STT3A: variants seen among roughly 807,000 people sequenced by gnomAD.
The protein encoded by STT3A is dolichyl-diphosphooligosaccharide--protein glycosyltransferase subunit STT3A.
In STT3A, 34 loss-of-function variants were observed where a neutral mutation model predicts 89.2. The ratio of observed to expected loss-of-function variants is 0.38; its 90% CI spans 0.29 to 0.51. STT3A has a LOEUF of 0.51. Among genes scored for constraint, STT3A ranks in the 20% least tolerant of loss-of-function variants. The probability of loss-of-function intolerance (pLI) is 0.89; values close to 1 mark genes in which losing one functional copy is unlikely to be tolerated. For missense variants in STT3A, 555 were observed against 889.5 expected, an observed-to-expected ratio of 0.62 and a Z score of 4.78; for synonymous variants, 282 against 310.3, an observed-to-expected ratio of 0.91 and a Z score of 0.96.
chr11:125,612,567 T>A (rs1940058697), intron 11 of STT3A, 25 bp from the exon 12 acceptor site: 1 of 1,608,216 alleles, frequency 6.2e-7, no homozygotes, highest in Non-Finnish European at 8.5e-7. Flanking sequence ...CTGATTAGAC[T>A]GATCATGCTT....
chr11:125,592,437 G>T, upstream of STT3A: 1 of 456,282 alleles, frequency 2.2e-6, no homozygotes, highest in Non-Finnish European at 4.4e-6. Context: ...GACGGGAGAC[G>T]AGCGGCTCCG....
chr11:125,599,243 CAGA>C (rs1284190949), intron 3 of STT3A, among the ~76,000 whole-genome samples: 2 of 152,316 alleles, frequency 1.3e-5, no homozygotes, highest in Admixed American at 1.3e-4. Context: ...CAGTGACAAA[CAGA>C]AGGATAGAGA....
At chr11:125,612,922 G>T (rs925066775) in intron 12 of STT3A, 67 bp from the exon 13 acceptor site, 1 of 1,571,746 alleles carries the variant, frequency 6.4e-7, no homozygotes, top group Admixed American at 1.7e-5. Flanking sequence ...ATGTGTCTAA[G>T]AAGTTGTCCT....
intron 4 of STT3A, 61 bp from the exon 5 acceptor site, chr11:125,602,742 C>T: frequency 6.2e-7 from 1 of 1,602,052 alleles, no homozygotes; most frequent in Non-Finnish European, 8.5e-7. Flanking sequence ...GGGATTTTCC[C>T]TTTCTTTTTC....
chr11:125,613,521 T>C lies in STT3A; in HGVS notation c.1554+344T>C, dbSNP rs1373854782. ...GAAAATTGAATCAAGAAGAAAGATA[T>C]AAATCTTGTGTAAAGTGATCACCTT... On this transcript the variant is annotated intron_variant, in intron 13 of 17. Transcript: ENST00000392708. This position sits in a 1 kb window ranked among gnomAD's most constrained non-coding sequence, Gnocchi z 4.2. Among the ~76,000 whole-genome samples the C allele has an allele frequency of 6.6e-6, 1 of 152,212 alleles. No individual in the cohort carries two copies. Among genetic ancestry groups the C allele is most frequent in the East Asian group, 1.9e-4 (1 of 5,204 alleles).
chr11:125,614,027 G>C lies in STT3A; in HGVS notation c.1555-60G>C. ...TCAGACCAAAGATGCCTTCTCTGTT[G>C]CATTTGATTTTTAGAGACAGTGAGA... On this transcript the variant is annotated intron_variant, in intron 13 of 17. Coordinates refer to ENST00000392708, the MANE Select transcript of STT3A (RefSeq NM_152713.5). This position sits in a 1 kb window ranked among gnomAD's most constrained non-coding sequence, Gnocchi z 4.9. 1 of 1,480,738 alleles carries C rather than the reference G, an allele frequency of 6.8e-7. No individual in the cohort carries two copies. Among genetic ancestry groups the C allele is most frequent in the Non-Finnish European group, 9.4e-7 (1 of 1,062,428 alleles). 91.7% of individuals were successfully genotyped at this position (1,480,738 alleles called of 1,614,324 possible).
chr11:125,619,374 T>C (rs956591752), intron 16 of STT3A, among the ~76,000 whole-genome samples: 1 of 152,076 alleles, frequency 6.6e-6, no homozygotes, highest in Non-Finnish European at 1.5e-5. Context: ...ATTTTATATA[T>C]GAGGAAATTG....
In STT3A at chr11:125,592,912, C is replaced by G. The variant is rs768250717; in HGVS notation, c.-42C>G. On this transcript the variant is annotated 5_prime_UTR_variant, in exon 1 of 18. Transcript: ENST00000392708. ...AGCCCCGCGGATCGTTTAGGAAAGC[C>G]GGCCAGGTGAGAAGGCCGTAGAACG... 5.7e-6 allele frequency: 1 copy of G among 174,302 alleles called. No individual in the cohort carries two copies. Among genetic ancestry groups the G allele is most frequent in the Non-Finnish European group, 1.3e-5 (1 of 79,624 alleles). The allele number at this position is 174,302 out of a possible 1,614,324, so 10.8% of individuals were successfully genotyped here.
intron 3 of STT3A, among the ~76,000 whole-genome samples, chr11:125,601,356 C>T (rs571175449): frequency 1.3e-5 from 2 of 152,324 alleles, no homozygotes; most frequent in East Asian, 1.9e-4. Context: ...CATGGTGGCT[C>T]ACACCTGTAA....
chr11:125,617,502 T>C (rs1940210980), intron 15 of STT3A, among the ~76,000 whole-genome samples: 1 of 152,210 alleles, frequency 6.6e-6, no homozygotes. Context: ...ATTAGAAATA[T>C]TTTTAATACT....
At position 125,608,271 on chromosome 11, in the gene STT3A, G is replaced by A. The variant is rs751154270; in HGVS notation, c.943G>A (p.Ala315Thr). 13 of 1,610,722 alleles carry A rather than the reference G, an allele frequency of 8.1e-6. No individual in the cohort carries two copies. Among genetic ancestry groups the A allele is most frequent in the Non-Finnish European group, 1.1e-5 (13 of 1,179,136 alleles). ...AGGCTTTGTCCTTCTCACCGTGGGAGCTCTCCTCATGCTGACAGGTAGGGA... is the reference window on the plus strand; with the variant it reads ...AGGCTTTGTCCTTCTCACCGTGGGAACTCTCCTCATGCTGACAGGTAGGGA... ...LVGFVLLTVG[A>T]LLMLTGKISP... is the part of the protein sequence containing the mutation. Residue 315 changes from alanine (A) to threonine (T), a missense_variant, in exon 9 of 18, where the codon GCT becomes ACT. Ala to Thr is a moderately conservative substitution (Grantham distance 58). Around this residue, in one of 5 missense-constraint regions of STT3A, gnomAD observed 149 missense variants for 206.2 expected, o/e 0.72. Coordinates refer to ENST00000392708, the MANE Select transcript of STT3A (RefSeq NM_152713.5).
At chr11:125,606,520 A>G (rs1939845036) in intron 8 of STT3A, 55 bp downstream of exon 8, 8 of 1,532,168 alleles carry the variant, frequency 5.2e-6, no homozygotes, top group African/African-American at 1.4e-5. Flanking sequence ...TGCAGCCCCA[A>G]CTAGACTGAT....
chr11:125,602,628 C>CT, intron 4 of STT3A, 175 bp from the exon 5 acceptor site: 2 of 1,068,080 alleles, frequency 1.9e-6, no homozygotes, highest in South Asian at 3.4e-5. Context: ...ACATTCTAGA[C>CT]TTCTGATTGA....
intron 17 of STT3A, among the ~76,000 whole-genome samples, chr11:125,620,489 G>T (rs1415087945): frequency 6.6e-6 from 1 of 152,148 alleles, no homozygotes; most frequent in Non-Finnish European, 1.5e-5. Context: ...AAGGTATATA[G>T]AGTCATATAG....
In STT3A at chr11:125,613,894, G is replaced by T; in HGVS notation, c.1555-193G>T. The T allele has an allele frequency of 5.4e-6, 3 of 557,690 alleles. No individual in the cohort carries two copies. The highest frequency in any genetic ancestry group is 9.7e-6 in the Non-Finnish European group (3 of 309,600). The allele number at this position is 557,690 out of a possible 1,614,324, so 34.5% of individuals were successfully genotyped here. ...AATGTTGGTTTGTTATTTGTGCTGA[G>T]ATTTTATAATTGTATATAAATGGAA... On this transcript the variant is annotated intron_variant, in intron 13 of 17. Transcript: ENST00000392708. This position sits in a 1 kb window ranked among gnomAD's most constrained non-coding sequence, Gnocchi z 4.2.
At chr11:125,602,712 A>G (rs1939722391) in intron 4 of STT3A, 91 bp from the exon 5 acceptor site, 2 of 1,528,192 alleles carry the variant, frequency 1.3e-6, no homozygotes, top group African/African-American at 1.4e-5. Flanking sequence ...CAAGACTTAC[A>G]TAGTCACTTT....
At chr11:125,606,828 T>C (rs1261044982) in intron 8 of STT3A, among the ~76,000 whole-genome samples, 1 of 152,226 alleles carries the variant, frequency 6.6e-6, no homozygotes, top group Non-Finnish European at 1.5e-5. Context: ...GGCATCTAAT[T>C]GTAAGTGCTT....
chr11:125,613,191 A>G lies in STT3A; in HGVS notation c.1554+14A>G. On this transcript the variant is annotated intron_variant, in intron 13 of 17. Coordinates refer to ENST00000392708, the MANE Select transcript of STT3A (RefSeq NM_152713.5). This position sits in a 1 kb window ranked among gnomAD's most constrained non-coding sequence, Gnocchi z 4.2. ...AATACTCCAGAGGTGAAGATTTGGG[A>G]GGGGTGGGAATTGTGGGTTAGGGGC... The G allele has an allele frequency of 3.6e-6, 4 of 1,107,524 alleles. No individual in the cohort carries two copies. Among genetic ancestry groups the G allele is most frequent in the African/African-American group, 3.2e-5 (2 of 62,468 alleles). The allele number at this position is 1,107,524 out of a possible 1,614,324, so 68.6% of individuals were successfully genotyped here. A position where few individuals can be genotyped will look rare whatever the true frequency, so the allele number is the denominator to read the frequency against.
At chr11:125,616,764 G>GCTT (rs1236902544) in intron 15 of STT3A, among the ~76,000 whole-genome samples, 5 of 152,116 alleles carry the variant, frequency 3.3e-5, no homozygotes, top group Non-Finnish European at 7.4e-5. Flanking sequence ...TGCAGCCTCT[G>GCTT]CTTCCCATGC....
Sources: gnomAD v4.1 joint callset for allele counts (sites outside exome capture counted in the v4.1 genomes callset) on GRCh38, gnomAD v4.1.1 for gene constraint, gnomAD v4.1.1 regional missense constraint, Gnocchi (gnomAD v3.1) non-coding constraint, MANE v1.5 for transcripts, NCBI Gene and HGNC (gene_info 2026-07-23, HGNC 2026-07-21) for gene names.